DPYD: variants seen among roughly 807,000 people sequenced by gnomAD.
DPYD encodes the protein dihydropyrimidine dehydrogenase [NADP(+)].
Under a neutral mutation model 116.2 loss-of-function variants are expected in DPYD, and 109 were observed. That is an observed-to-expected ratio of 0.94 (90% CI 0.80 to 1.10). The LOEUF (loss-of-function observed/expected upper bound fraction) is 1.10. DPYD is among the 50% of genes least tolerant of loss of function. The pLI is 0.00. For missense variants in DPYD, 1,302 were observed against 1,254.5 expected, an observed-to-expected ratio of 1.04 and a Z score of -0.57; for synonymous variants, 440 against 432.0, an observed-to-expected ratio of 1.02 and a Z score of -0.23.
At chr1:97,845,998 C>A (rs1045204844) in intron 2 of DPYD, among the ~76,000 whole-genome samples, 2 of 152,242 alleles carry the variant, frequency 1.3e-5, no homozygotes, top group East Asian at 3.9e-4. Flanking sequence ...GGACCCCACA[C>A]TCACTCACTC....
chr1:97,870,880 C>T (rs1049739167), intron 2 of DPYD, among the ~76,000 whole-genome samples: 4 of 151,794 alleles, frequency 2.6e-5, no homozygotes, highest in Admixed American at 6.6e-5. Context: ...TAGCATTTTA[C>T]GTGGGTTCCA....
chr1:97,139,747 A>G (rs1483928876), intron 20 of DPYD, among the ~76,000 whole-genome samples: 1 of 152,200 alleles, frequency 6.6e-6, no homozygotes, highest in African/African-American at 2.4e-5. Context: ...ATGTTGGCAA[A>G]TCTCCTTCTT....
At chr1:97,822,837 T>C (rs1031728550) in intron 3 of DPYD, among the ~76,000 whole-genome samples, 1 of 152,222 alleles carries the variant, frequency 6.6e-6, no homozygotes, top group African/African-American at 2.4e-5. Context: ...TTTACACTTT[T>C]TGTTTGCCAT....
At chr1:97,632,208 G>A (rs1031120998) in intron 8 of DPYD, among the ~76,000 whole-genome samples, 2 of 152,056 alleles carry the variant, frequency 1.3e-5, no homozygotes, top group African/African-American at 4.8e-5. Flanking sequence ...CTGGCTGGCT[G>A]CCATACTAAA....
intron 18 of DPYD, among the ~76,000 whole-genome samples, chr1:97,241,502 A>G (rs1557965502): frequency 6.6e-6 from 1 of 152,040 alleles, no homozygotes; most frequent in Non-Finnish European, 1.5e-5. Context: ...CATTAAAAAT[A>G]AAGTCTCTGC....
intron 3 of DPYD, among the ~76,000 whole-genome samples, chr1:97,741,025 G>C (rs575543878): frequency 6.6e-6 from 1 of 152,142 alleles, no homozygotes; most frequent in Admixed American, 6.6e-5. Flanking sequence ...TTCTGTAACA[G>C]ATGCCTCAAA....
At chr1:97,262,067 A>G (rs963226875) in intron 18 of DPYD, among the ~76,000 whole-genome samples, 1 of 151,892 alleles carries the variant, frequency 6.6e-6, no homozygotes, top group Non-Finnish European at 1.5e-5. Context: ...ACCATCCTCA[A>G]TCACCAGATT....
chr1:97,475,696 T>C lies in DPYD; in HGVS notation c.1741-25473A>G, dbSNP rs116467930. 4.6e-3 allele frequency among the ~76,000 whole-genome samples: 702 copies of C among 152,292 alleles called. 4 individuals carry two copies. Among genetic ancestry groups the C allele is most frequent in the African/African-American group, 0.016 (668 of 41,566 alleles). Reference sequence around the variant, plus strand: ...CATAGACAATATAAACCAATGGGTATGGCTATGTTCCAGTAAGGCTTTATT... The same window carrying C: ...CATAGACAATATAAACCAATGGGTACGGCTATGTTCCAGTAAGGCTTTATT... On this transcript the variant is annotated intron_variant, in intron 13 of 22. Coordinates refer to ENST00000370192, the MANE Select transcript of DPYD (RefSeq NM_000110.4).
rs114968502 is a variant in DPYD, at chr1:97,595,023, T to C, written c.958+36A>G. 2,099 of 1,418,934 alleles carry C rather than the reference T, an allele frequency of 1.5e-3. 24 individuals carry two copies. The African/African-American group carries it at 0.026, about 18-fold the overall frequency. 87.9% of individuals were successfully genotyped at this position (1,418,934 alleles called of 1,614,324 possible). A position where few individuals can be genotyped will look rare whatever the true frequency, so the allele number is the denominator to read the frequency against. ...TTAATTTATCATAAATAAAATAGCA[T>C]ACTCACTATTAAGCATAAAAGACAA... On this transcript the variant is annotated intron_variant, in intron 9 of 22. Coordinates refer to ENST00000370192, the MANE Select transcript of DPYD (RefSeq NM_000110.4).
chr1:97,104,551 G>C (rs7524812), intron 20 of DPYD, among the ~76,000 whole-genome samples: 141,199 of 152,088 alleles, frequency 0.93, 66,194 homozygotes, highest in East Asian at 1. Context: ...TGTATCTAAC[G>C]CAGGCTGAGG....
chr1:97,351,638 T>C (rs1670150682), intron 16 of DPYD, among the ~76,000 whole-genome samples: 1 of 152,090 alleles, frequency 6.6e-6, no homozygotes, highest in Non-Finnish European at 1.5e-5. Flanking sequence ...TCCCCAATCT[T>C]ATTTAAAATA....
chr1:97,202,429 G>T (rs1570658970), intron 19 of DPYD, among the ~76,000 whole-genome samples: 1 of 152,032 alleles, frequency 6.6e-6, no homozygotes, highest in African/African-American at 2.4e-5. Flanking sequence ...TAACTCTGTG[G>T]TCATTCTTTA....
At chr1:97,798,143 C>T (rs1305589613) in intron 3 of DPYD, 1 of 152,018 alleles carries the variant, frequency 6.6e-6, no homozygotes, top group East Asian at 1.9e-4. Context: ...AAAATATCCT[C>T]AAAATTCTTT....
intron 3 of DPYD, among the ~76,000 whole-genome samples, chr1:97,814,207 A>T (rs941853847): frequency 6.6e-6 from 1 of 152,130 alleles, no homozygotes; most frequent in Non-Finnish European, 1.5e-5. Flanking sequence ...CAAGCCTGGA[A>T]AGTTTTAGGG....
At chr1:97,619,276 A>T (rs1202347022) in intron 8 of DPYD, among the ~76,000 whole-genome samples, 1 of 152,194 alleles carries the variant, frequency 6.6e-6, no homozygotes, top group Non-Finnish European at 1.5e-5. Flanking sequence ...TACTTTAAAC[A>T]ATTTGTACTA....
chr1:97,585,175 C>A (rs1654009423), intron 10 of DPYD, among the ~76,000 whole-genome samples: 1 of 152,030 alleles, frequency 6.6e-6, no homozygotes, highest in African/African-American at 2.4e-5. Flanking sequence ...TATGTTGAGT[C>A]AGATACCAAG....
In DPYD at chr1:97,373,639, A is replaced by G; in HGVS notation, c.1980T>C (p.Ser660=). 1 of 1,613,736 alleles carries G rather than the reference A, an allele frequency of 6.2e-7. No homozygotes were observed. ...WTELAKKSED[S]GADALELNLS... is the part of the protein sequence containing the mutation. ...AATTTAACTCCAGGGCATCTGCTCC[A>G]GAATCCTTTAAACAAGAAAGGAAAA... Residue 660 remains serine (S), a synonymous_variant, in exon 16 of 23, where the codon TCT becomes TCC. Transcript: ENST00000370192.
intron 14 of DPYD, among the ~76,000 whole-genome samples, chr1:97,435,714 A>T (rs1257538700): frequency 3.3e-5 from 5 of 151,994 alleles, no homozygotes; most frequent in Admixed American, 6.6e-5. Context: ...AATAAAGAGG[A>T]TGCTTTCAAG....
rs199554589 is a variant in DPYD at position 97,139,360 on chromosome 1, T to TA, written c.2623-40729dup. Among the ~76,000 whole-genome samples, 449 of 151,598 alleles carry TA rather than the reference T, an allele frequency of 3.0e-3. 10 individuals are homozygous for TA. The highest frequency in any genetic ancestry group is 0.018 in the Admixed American group (274 of 15,196). On this transcript the variant is annotated intron_variant, in intron 20 of 22. Transcript: ENST00000370192. ...TCTTCTGAGAAACAAGTTATAAAAA[T>TA]AAAAAAAAATTTATGTATTCTGAAA...
Sources: allele counts gnomAD v4.1 joint callset (sites outside exome capture counted in the v4.1 genomes callset), GRCh38; gene constraint gnomAD v4.1.1; transcripts MANE v1.5; gene names NCBI Gene and HGNC (gene_info 2026-07-23, HGNC 2026-07-21).